Variants in CNTN5 observed in about 807,000 individuals in gnomAD.
The protein encoded by CNTN5 is contactin 5.
CNTN5 carries 77 observed loss-of-function variants against 129.1 expected under a neutral mutation model. That is an observed-to-expected ratio of 0.60 (90% CI 0.50 to 0.72). The LOEUF (loss-of-function observed/expected upper bound fraction) is 0.72, where lower values mean the gene tolerates loss of function less well. Among genes scored for constraint, CNTN5 ranks in the 30% least tolerant of loss-of-function variants. CNTN5 has a pLI of 0.00. For synonymous variants in CNTN5, 509 were observed against 465.6 expected, an observed-to-expected ratio of 1.09 and a Z score of -1.20; for missense variants, 1,478 against 1,328.8, an observed-to-expected ratio of 1.11 and a Z score of -1.75.
intron 6 of CNTN5, among the ~76,000 whole-genome samples, chr11:99,911,827 A>G (rs896534136): frequency 6.6e-6 from 1 of 151,704 alleles, no homozygotes. Flanking sequence ...TATGAAGTCT[A>G]TGAAGTCTTT....
At chr11:100,297,219 G>T (rs1047367230) in intron 18 of CNTN5, among the ~76,000 whole-genome samples, 1 of 151,400 alleles carries the variant, frequency 6.6e-6, no homozygotes, top group Non-Finnish European at 1.5e-5. Context: ...TTCTGGTAAG[G>T]CAGTAATGCT....
intron 16 of CNTN5, among the ~76,000 whole-genome samples, chr11:100,244,250 G>A (rs1315458529): frequency 6.6e-6 from 1 of 152,024 alleles, no homozygotes; most frequent in Non-Finnish European, 1.5e-5. Flanking sequence ...TGGAATATTT[G>A]TTTACTTATT....
chr11:99,426,593 C>G (rs914151458), intron 2 of CNTN5, among the ~76,000 whole-genome samples: 21 of 152,174 alleles, frequency 1.4e-4, no homozygotes, highest in African/African-American at 4.3e-4. Flanking sequence ...ATCTGACACA[C>G]TGGCACAAAT....
At chr11:99,934,373 A>G (rs1348359999) in intron 7 of CNTN5, among the ~76,000 whole-genome samples, 1 of 152,186 alleles carries the variant, frequency 6.6e-6, no homozygotes, top group East Asian at 1.9e-4. Flanking sequence ...ATATTAATAC[A>G]CATATTTTTG....
chr11:99,594,066 T>C (rs1253960692), intron 3 of CNTN5, among the ~76,000 whole-genome samples: 1 of 152,218 alleles, frequency 6.6e-6, no homozygotes, highest in African/African-American at 2.4e-5. Flanking sequence ...TTACAATTAC[T>C]ATATAGGCCT....
At chr11:99,393,082 A>G (rs1011233853) in intron 2 of CNTN5, among the ~76,000 whole-genome samples, 1 of 151,964 alleles carries the variant, frequency 6.6e-6, no homozygotes, top group African/African-American at 2.4e-5. Context: ...CAGAGATGAA[A>G]TATTAAAATT....
chr11:99,063,212 A>C (rs920912957), intron 1 of CNTN5, among the ~76,000 whole-genome samples: 1 of 152,076 alleles, frequency 6.6e-6, no homozygotes, highest in Admixed American at 6.6e-5. Flanking sequence ...AGAACTATTT[A>C]TTTAATAATG....
At chr11:99,864,063 G>A (rs999862688) in intron 6 of CNTN5, among the ~76,000 whole-genome samples, 9 of 152,196 alleles carry the variant, frequency 5.9e-5, no homozygotes, top group East Asian at 1.9e-4. Flanking sequence ...CTTCGCTCAC[G>A]GATGTATCTC....
At chr11:99,538,275 A>T (rs1036845786) in intron 2 of CNTN5, among the ~76,000 whole-genome samples, 2 of 152,166 alleles carry the variant, frequency 1.3e-5, no homozygotes, top group African/African-American at 4.8e-5. Context: ...TGTGAAAGAA[A>T]CTGAAGCAGC....
chr11:99,069,225 A>G (rs946340038), intron 1 of CNTN5, among the ~76,000 whole-genome samples: 18 of 152,054 alleles, frequency 1.2e-4, no homozygotes, highest in African/African-American at 4.3e-4. Flanking sequence ...CCTTTCAGAT[A>G]ATTCCTTAAA....
At position 99,650,957 on chromosome 11, in the gene CNTN5, G is replaced by T. The variant is rs554787815; in HGVS notation, c.55+94688G>T. 3.2e-4 allele frequency among the ~76,000 whole-genome samples: 48 copies of T among 152,000 alleles called. 1 individual carries two copies. Among genetic ancestry groups the T allele is most frequent in the African/African-American group, 1.1e-3 (47 of 41,548 alleles). On this transcript the variant is annotated intron_variant, in intron 3 of 24. Coordinates refer to ENST00000524871, the MANE Select transcript of CNTN5 (RefSeq NM_014361.4). ...ATGTCTTTCCACTTAAGGATTTAAA[G>T]AAACCAAGTTTCTACCTTCAGAAAA...
chr11:99,104,513 G>C (rs1031724027), intron 1 of CNTN5, among the ~76,000 whole-genome samples: 1 of 151,850 alleles, frequency 6.6e-6, no homozygotes, highest in Non-Finnish European at 1.5e-5. Context: ...ATAATTTATT[G>C]TATATTTCAA....
intron 6 of CNTN5, among the ~76,000 whole-genome samples, chr11:99,872,926 C>CGTAT (rs1476455746): frequency 1.3e-5 from 2 of 151,992 alleles, no homozygotes; most frequent in Non-Finnish European, 2.9e-5. Flanking sequence ...GCTAACCAAC[C>CGTAT]GTATACTAAT....
intron 3 of CNTN5, among the ~76,000 whole-genome samples, chr11:99,570,164 C>T (rs1949132842): frequency 6.6e-6 from 1 of 151,130 alleles, no homozygotes. Context: ...AAGAAAAAAG[C>T]TTGGGTCATA....
chr11:99,057,966 T>C (rs1864701747), intron 1 of CNTN5, among the ~76,000 whole-genome samples: 2 of 152,080 alleles, frequency 1.3e-5, no homozygotes. Flanking sequence ...AGGAAAATAA[T>C]ATTCTAGGTA....
intron 3 of CNTN5, among the ~76,000 whole-genome samples, chr11:99,660,959 T>G (rs1952572722): frequency 6.6e-6 from 1 of 152,076 alleles, no homozygotes. Flanking sequence ...TTTACTAGCA[T>G]CTGGGAAAAT....
At chr11:99,559,427 G>A (rs949331924) in intron 3 of CNTN5, among the ~76,000 whole-genome samples, 1 of 152,012 alleles carries the variant, frequency 6.6e-6, no homozygotes, top group Non-Finnish European at 1.5e-5. Context: ...AGTCATAAAA[G>A]CTTGGCATCT....
At chr11:100,272,969 G>A (rs753414040) in intron 18 of CNTN5, among the ~76,000 whole-genome samples, 1 of 152,164 alleles carries the variant, frequency 6.6e-6, no homozygotes, top group Non-Finnish European at 1.5e-5. Context: ...GGTCAGGGAT[G>A]GCCATCCCCC....
At chr11:99,935,291 C>A (rs982032103) in intron 7 of CNTN5, among the ~76,000 whole-genome samples, 3 of 151,370 alleles carry the variant, frequency 2.0e-5, no homozygotes, top group Non-Finnish European at 4.4e-5. Flanking sequence ...AAGAATGGTA[C>A]GTAACTAAAA....
Sources: gnomAD v4.1 joint callset for allele counts (sites outside exome capture counted in the v4.1 genomes callset) on GRCh38, gnomAD v4.1.1 for gene constraint, MANE v1.5 for transcripts, NCBI Gene and HGNC (gene_info 2026-07-23, HGNC 2026-07-21) for gene names.